ICA1: variants seen among roughly 807,000 people sequenced by gnomAD.
ICA1 encodes islet cell autoantigen 1.
ICA1 carries 40 observed loss-of-function variants against 71.0 expected under a neutral mutation model. The observed-to-expected ratio is 0.56, with a 90% CI of 0.44 to 0.73. The LOEUF is 0.73. ICA1 is among the 30% of genes least tolerant of loss of function. The pLI is 0.00. For synonymous variants in ICA1, 207 were observed against 209.5 expected (o/e 0.99, Z 0.10); for missense variants, 578 against 576.5 (o/e 1.00, Z -0.03).
chr7:8,160,800 G>A (rs970058656), intron 6 of ICA1, among the ~76,000 whole-genome samples: 1 of 152,196 alleles, frequency 6.6e-6, no homozygotes, highest in Non-Finnish European at 1.5e-5. Context: ...AGAGCAAAGA[G>A]CCAGTAGTTT....
chr7:8,146,229 C>A (rs537124006), intron 8 of ICA1, among the ~76,000 whole-genome samples: 20 of 152,314 alleles, frequency 1.3e-4, no homozygotes, highest in Middle Eastern at 6.8e-3. Context: ...TGGGTCATTA[C>A]CCCAGTTAGC....
intron 6 of ICA1, among the ~76,000 whole-genome samples, 165 bp from the exon 7 acceptor site, chr7:8,158,817 A>G (rs936898403): frequency 6.6e-6 from 1 of 152,220 alleles, no homozygotes; most frequent in African/African-American, 2.4e-5. Context: ...TTTACCTCCA[A>G]AGGAGCCAAA....
intron 3 of ICA1, among the ~76,000 whole-genome samples, chr7:8,231,314 T>C (rs11975238): frequency 0.16 from 24,546 of 151,822 alleles, 5,045 homozygotes; most frequent in African/African-American, 0.48. Context: ...AAATGCAGGA[T>C]GGGGAGGCAG....
intron 6 of ICA1, among the ~76,000 whole-genome samples, chr7:8,217,907 TA>T (rs1468581097): frequency 1.3e-5 from 2 of 152,198 alleles, no homozygotes; most frequent in African/African-American, 4.8e-5. Flanking sequence ...GGAGCATTAT[TA>T]TTCTATTAAT....
At chr7:8,169,416 T>C (rs1425611062) in intron 6 of ICA1, among the ~76,000 whole-genome samples, 1 of 152,150 alleles carries the variant, frequency 6.6e-6, no homozygotes, top group African/African-American at 2.4e-5. Flanking sequence ...AAGTGTGTGC[T>C]TAACTTTATA....
chr7:8,232,314 CTT>C lies in ICA1; in HGVS notation c.183+274_183+275del, dbSNP rs528744718. ...CAGCTCTGACCAGCAAGCAGCAGCT[CTT>C]TGACTGCATTCCTTTTCCCAAGAAA... is the stretch of plus-strand genomic sequence containing the variant. On this transcript the variant is annotated intron_variant, in intron 3 of 13. Coordinates refer to ENST00000402384, the MANE Select transcript of ICA1 (RefSeq NM_001136020.3). 1.6e-3 allele frequency among the ~76,000 whole-genome samples: 240 copies of C among 152,328 alleles called. 1 individual carries two copies. Among genetic ancestry groups the C allele is most frequent in the African/African-American group, 5.6e-3 (233 of 41,576 alleles).
intron 12 of ICA1, among the ~76,000 whole-genome samples, chr7:8,133,258 C>T (rs1792145197): frequency 6.6e-6 from 1 of 152,094 alleles, no homozygotes; most frequent in African/African-American, 2.4e-5. Flanking sequence ...ACATTTTAGC[C>T]CCTATAACTC....
rs771195712 is a variant in ICA1 at position 8,141,821 on chromosome 7, A to C, written c.903-4T>G. The C allele has an allele frequency of 2.7e-5, 42 of 1,556,852 alleles. No homozygotes were observed. The highest frequency in any genetic ancestry group is 3.6e-5 in the Non-Finnish European group (41 of 1,135,758). ...TTCTTCCTCTAATGAAATTAATCTT[A>C]AAATAAAAAAGAGGTTTAGTCATCA... On this transcript the variant is annotated splice_polypyrimidine_tract_variant and splice_region_variant and intron_variant, in intron 9 of 13. Coordinates refer to ENST00000402384, the MANE Select transcript of ICA1 (RefSeq NM_001136020.3).
At chr7:8,218,212 T>C (rs1280215690) in intron 6 of ICA1, 93 bp downstream of exon 6, 3 of 1,095,494 alleles carry the variant, frequency 2.7e-6, no homozygotes, top group East Asian at 2.4e-5. Flanking sequence ...CTTGGTGCTT[T>C]TGAGTTATGT....
chr7:8,247,378 C>T (rs1419259595), intron 1 of ICA1, among the ~76,000 whole-genome samples: 3 of 151,936 alleles, frequency 2.0e-5, no homozygotes, highest in Admixed American at 1.3e-4. Context: ...GAGGATCAAT[C>T]GAGCCCAGGA....
intron 10 of ICA1, 44 bp from the exon 11 acceptor site, chr7:8,139,091 G>A (rs1257377930): frequency 1.4e-6 from 2 of 1,466,982 alleles, no homozygotes; most frequent in Middle Eastern, 1.7e-4. Context: ...ACTCGAAATG[G>A]TGTGCATGTT....
rs984806163 is a variant in ICA1, at chr7:8,130,988, C to T, written c.1061-2846G>A. On this transcript the variant is annotated intron_variant, in intron 12 of 13. Coordinates refer to ENST00000402384, the MANE Select transcript of ICA1 (RefSeq NM_001136020.3). This position sits in a 1 kb window ranked among gnomAD's most constrained non-coding sequence, Gnocchi z 4.2. ...TGGAAATGACTCCTTACCCTCCACC[C>T]CAGTGAATGACTGATGAGGCTGGCC... Among the ~76,000 whole-genome samples the T allele has an allele frequency of 3.9e-5, 6 of 152,174 alleles. No homozygotes were observed. The highest frequency in any genetic ancestry group is 1.4e-4 in the African/African-American group (6 of 41,430).
At chr7:8,163,591 G>A (rs796877371) in intron 6 of ICA1, among the ~76,000 whole-genome samples, 2 of 152,300 alleles carry the variant, frequency 1.3e-5, no homozygotes, top group African/African-American at 4.8e-5. Flanking sequence ...AGTCCCTCAA[G>A]AATGATTGAC....
At chr7:8,141,030 C>G (rs1795057718) in intron 10 of ICA1, among the ~76,000 whole-genome samples, 1 of 152,186 alleles carries the variant, frequency 6.6e-6, no homozygotes, top group Non-Finnish European at 1.5e-5. Flanking sequence ...TTCATAACAC[C>G]TGTAAAACAT....
intron 1 of ICA1, among the ~76,000 whole-genome samples, chr7:8,250,039 G>C (rs1807596216): frequency 6.6e-6 from 1 of 152,228 alleles, no homozygotes; most frequent in Non-Finnish European, 1.5e-5. Context: ...AGTCTTCAGA[G>C]CCAGGGCTCC....
intron 12 of ICA1, among the ~76,000 whole-genome samples, chr7:8,135,812 G>C (rs774081127): frequency 1.5e-4 from 23 of 152,158 alleles, no homozygotes; most frequent in Admixed American, 9.8e-4. Context: ...GTCCTGGAGA[G>C]GGATCTTTTG....
intron 7 of ICA1, among the ~76,000 whole-genome samples, chr7:8,157,968 G>T (rs1416828309): frequency 6.6e-6 from 1 of 152,112 alleles, no homozygotes; most frequent in Non-Finnish European, 1.5e-5. Context: ...AGGATTACAG[G>T]TGAGAGCCAC....
chr7:8,129,376 TA>T (rs1166692977), intron 12 of ICA1, among the ~76,000 whole-genome samples: 138 of 142,064 alleles, frequency 9.7e-4, no homozygotes, highest in South Asian at 7.2e-3. Flanking sequence ...GCTTTTTTTT[TA>T]AAAAAAAAAA....
chr7:8,249,228 G>A (rs1725433465), intron 1 of ICA1, among the ~76,000 whole-genome samples: 1 of 152,224 alleles, frequency 6.6e-6, no homozygotes, highest in South Asian at 2.1e-4. Flanking sequence ...CAGCCTCTGG[G>A]CTGAGTCTCT....
Sources: gnomAD v4.1 joint callset for allele counts (sites outside exome capture counted in the v4.1 genomes callset) on GRCh38, gnomAD v4.1.1 for gene constraint, Gnocchi (gnomAD v3.1) non-coding constraint, MANE v1.5 for transcripts, NCBI Gene and HGNC (gene_info 2026-07-23, HGNC 2026-07-21) for gene names.